MSI2: variants seen among roughly 807,000 people sequenced by gnomAD.
The protein encoded by MSI2 is RNA-binding protein Musashi homolog 2.
Under a neutral mutation model 45.6 loss-of-function variants are expected in MSI2, and 17 were observed. The ratio of observed to expected loss-of-function variants is 0.37; its 90% CI spans 0.26 to 0.56. The LOEUF (loss-of-function observed/expected upper bound fraction) is 0.56. Ranked by LOEUF, MSI2 falls within the 20% of genes least tolerant of loss-of-function variation. The probability of loss-of-function intolerance (pLI) is 0.77; values close to 1 mark genes in which losing one functional copy is unlikely to be tolerated. For missense variants in MSI2, 293 were observed against 444.2 expected (o/e 0.66, Z 3.06); for synonymous variants, 156 against 158.2 (o/e 0.99, Z 0.11).
At chr17:57,539,266 C>T (rs1446151796) in intron 7 of MSI2, among the ~76,000 whole-genome samples, 1 of 150,632 alleles carries the variant, frequency 6.6e-6, no homozygotes, top group Non-Finnish European at 1.5e-5. Context: ...CGCTGCAATA[C>T]TTTTTGAATT....
At chr17:57,395,249 A>G (rs964438411) in intron 5 of MSI2, among the ~76,000 whole-genome samples, 3 of 152,204 alleles carry the variant, frequency 2.0e-5, no homozygotes, top group Non-Finnish European at 4.4e-5. Flanking sequence ...AACTAATTAC[A>G]TCTGTAAAGA....
At chr17:57,410,008 C>CAAAAAAAAAAA (rs59098048) in intron 6 of MSI2, among the ~76,000 whole-genome samples, 707 of 61,464 alleles carry the variant, frequency 0.012, 48 homozygotes, top group African/African-American at 0.018. Context: ...ACTCTGTCTC[C>CAAAAAAAAAAA]AAAAAAAAAA....
intron 5 of MSI2, among the ~76,000 whole-genome samples, chr17:57,288,378 C>T (rs148964162): frequency 4.3e-4 from 66 of 152,282 alleles, no homozygotes; most frequent in African/African-American, 1.5e-3. Flanking sequence ...CCGAGAGGCC[C>T]GAGTGTGCTG....
At chr17:57,299,952 G>A (rs1358254596) in intron 5 of MSI2, among the ~76,000 whole-genome samples, 5 of 152,170 alleles carry the variant, frequency 3.3e-5, no homozygotes, top group African/African-American at 4.8e-5. Flanking sequence ...TTGCTGCCTT[G>A]GGGACTGGGA....
chr17:57,563,746 GCACA>G (rs61342598), intron 7 of MSI2, among the ~76,000 whole-genome samples: 4,086 of 139,328 alleles, frequency 0.029, 63 homozygotes, highest in Non-Finnish European at 0.037. Flanking sequence ...ACACAGGCGC[GCACA>G]CACACACACA....
intron 5 of MSI2, among the ~76,000 whole-genome samples, chr17:57,356,834 G>A (rs944303356): frequency 1.3e-5 from 2 of 151,992 alleles, no homozygotes; most frequent in African/African-American, 4.8e-5. Flanking sequence ...GTATTTGAGA[G>A]TTTGAAAATT....
intron 6 of MSI2, among the ~76,000 whole-genome samples, chr17:57,411,685 C>G (rs541017769): frequency 6.6e-6 from 1 of 152,112 alleles, no homozygotes; most frequent in Admixed American, 6.5e-5. Context: ...TTTGGGGTGG[C>G]CCTGACCAGT....
rs565519682 is a variant in MSI2 at position 57,684,003 on chromosome 17, C to G, written c.*4486C>G. The G allele has an allele frequency of 4.4e-6, 1 of 226,218 alleles. No homozygotes were observed. The highest frequency in any genetic ancestry group is 8.8e-6 in the Non-Finnish European group (1 of 113,792). 14.0% of individuals were successfully genotyped at this position (226,218 alleles called of 1,614,324 possible). Reference sequence around the variant, plus strand: ...TATAAATAAAATCCATCCCTCTTGTCGGGGACCTGCAGGGGGGCAACCTTA... The same window carrying G: ...TATAAATAAAATCCATCCCTCTTGTGGGGGACCTGCAGGGGGGCAACCTTA... On this transcript the variant is annotated 3_prime_UTR_variant, in exon 14 of 14. Transcript: ENST00000284073.
chr17:57,357,777 A>G lies in MSI2; in HGVS notation c.313-43602A>G, dbSNP rs533590716. ...TGCTTTCATTCACAAAGATTTGATCAGTAAATAGGAAGAGAAAATACTCAA... is the reference window on the plus strand; with the variant it reads ...TGCTTTCATTCACAAAGATTTGATCGGTAAATAGGAAGAGAAAATACTCAA... On this transcript the variant is annotated intron_variant, in intron 5 of 13. Transcript: ENST00000284073. Among the ~76,000 whole-genome samples, 6 of 152,366 alleles carry G rather than the reference A, an allele frequency of 3.9e-5. No individual in the cohort carries two copies. The South Asian group carries it at 1.2e-3, about 32-fold the overall frequency.
At position 57,616,056 on chromosome 17, in the gene MSI2, C is replaced by T. The variant is rs201419992; in HGVS notation, c.624C>T (p.Asp208=). The T allele has an allele frequency of 9.9e-6, 16 of 1,613,988 alleles. No homozygotes were observed. The East Asian group carries it at 1.8e-4, about 18-fold the overall frequency. The change falls in exon 9 of 14, where the codon GAC becomes GAT. Residue 208 remains aspartate, a synonymous_variant. Coordinates refer to ENST00000284073, the MANE Select transcript of MSI2 (RefSeq NM_138962.4). ...GRARGLPYTM[D]AFMLGMGMLG... is the part of the protein sequence containing the mutation. ...CCCGGGGACTGCCTTACACCATGGA[C>T]GCGTTCATGCTTGGCATGGGGATGC...
In MSI2 at chr17:57,578,021, G is replaced by A. The variant is rs144195928; in HGVS notation, c.455-18847G>A. Among the ~76,000 whole-genome samples, 90 of 152,278 alleles carry A rather than the reference G, an allele frequency of 5.9e-4. No homozygotes were observed. The East Asian group carries it at 0.017, about 28-fold the overall frequency. On this transcript the variant is annotated intron_variant, in intron 7 of 13. Coordinates refer to ENST00000284073, the MANE Select transcript of MSI2 (RefSeq NM_138962.4). ...TTTCTTCCTCCCCGCTCCTCCCCTT[G>A]TTGAGAAATCCCATTATCCGGGAGA...
At chr17:57,672,824 G>T (rs111960739) in intron 11 of MSI2, among the ~76,000 whole-genome samples, 1,897 of 152,278 alleles carry the variant, frequency 0.012, 16 homozygotes, top group Admixed American at 0.018. Flanking sequence ...AGATAATACC[G>T]CCTTTTGAAT....
chr17:57,391,951 G>C (rs1371385746), intron 5 of MSI2, among the ~76,000 whole-genome samples: 2 of 152,212 alleles, frequency 1.3e-5, no homozygotes, highest in Admixed American at 1.3e-4. Context: ...AAAGTCTTTG[G>C]GGTCTTCCCC....
rs1046044282 is a variant in MSI2, at chr17:57,314,889, A to G, written c.312+52697A>G. On this transcript the variant is annotated intron_variant, in intron 5 of 13. Transcript: ENST00000284073. ...CCGGCCGCGCCTGCGTTTTTAGAAG[A>G]TGCCCCAAGTAAATCATGTGCACAG... 5.9e-5 allele frequency among the ~76,000 whole-genome samples: 9 copies of G among 152,112 alleles called. No individual in the cohort carries two copies. The East Asian group carries it at 1.5e-3, about 26-fold the overall frequency.
intron 5 of MSI2, among the ~76,000 whole-genome samples, chr17:57,315,708 G>A (rs572703199): frequency 5.9e-5 from 9 of 152,080 alleles, no homozygotes; most frequent in African/African-American, 1.9e-4. Flanking sequence ...CCAGTTTAGC[G>A]GCGAGACTTG....
intron 5 of MSI2, among the ~76,000 whole-genome samples, chr17:57,299,544 G>GC (rs1396091934): frequency 1.3e-5 from 2 of 152,308 alleles, no homozygotes; most frequent in African/African-American, 4.8e-5. Context: ...TGGGGGAATG[G>GC]CCGGTCAGTG....
intron 6 of MSI2, among the ~76,000 whole-genome samples, chr17:57,468,300 G>A (rs2085366503): frequency 6.6e-6 from 1 of 151,458 alleles, no homozygotes; most frequent in African/African-American, 2.4e-5. Flanking sequence ...GCCGAGACGG[G>A]CAGATCACGA....
intron 6 of MSI2, among the ~76,000 whole-genome samples, chr17:57,458,300 C>T (rs1388826412): frequency 1.3e-5 from 2 of 152,118 alleles, no homozygotes; most frequent in Non-Finnish European, 2.9e-5. Flanking sequence ...CGGGGTTTCA[C>T]TGTGTTAGCC....
At chr17:57,319,197 C>T (rs1287733715) in intron 5 of MSI2, among the ~76,000 whole-genome samples, 1 of 152,212 alleles carries the variant, frequency 6.6e-6, no homozygotes, top group Non-Finnish European at 1.5e-5. Context: ...GCGACAGGGG[C>T]GAAGCCTGTG....
Sources: gnomAD v4.1 joint callset for allele counts (sites outside exome capture counted in the v4.1 genomes callset) on GRCh38, gnomAD v4.1.1 for gene constraint, MANE v1.5 for transcripts, NCBI Gene and HGNC (gene_info 2026-07-23, HGNC 2026-07-21) for gene names.